Variants in STXBP5L observed in about 807,000 individuals in gnomAD.
STXBP5L encodes the protein syntaxin-binding protein 5-like.
In STXBP5L, 65 loss-of-function variants were observed where a neutral mutation model predicts 144.5. The observed-to-expected ratio is 0.45, with a 90% CI of 0.37 to 0.55. The LOEUF (loss-of-function observed/expected upper bound fraction) is 0.55. Among genes scored for constraint, STXBP5L ranks in the 20% least tolerant of loss-of-function variants. The pLI is 0.00. For synonymous variants in STXBP5L, 505 were observed against 469.6 expected (o/e 1.08, Z -0.97); for missense variants, 1,298 against 1,405.5 (o/e 0.92, Z 1.22).
chr3:121,327,823 G>T (rs61796934), intron 20 of STXBP5L, among the ~76,000 whole-genome samples: 72 of 152,112 alleles, frequency 4.7e-4, no homozygotes, highest in East Asian at 2.3e-3. Flanking sequence ...TAACAAGTCC[G>T]TGGGCATAAG....
At chr3:121,300,135 TC>T (rs2051830629) in intron 19 of STXBP5L, among the ~76,000 whole-genome samples, 1 of 152,042 alleles carries the variant, frequency 6.6e-6, no homozygotes. Context: ...ATTTTTTCCA[TC>T]AGAAATAATT....
intron 20 of STXBP5L, among the ~76,000 whole-genome samples, chr3:121,369,988 C>T (rs2045982552): frequency 6.6e-6 from 1 of 152,148 alleles, no homozygotes; most frequent in Non-Finnish European, 1.5e-5. Flanking sequence ...GGAGGAGGGG[C>T]CTGATCGGCA....
At chr3:121,374,076 A>G (rs1297878626) in intron 20 of STXBP5L, among the ~76,000 whole-genome samples, 1 of 152,118 alleles carries the variant, frequency 6.6e-6, no homozygotes, top group Non-Finnish European at 1.5e-5. Context: ...TGATGCTCAC[A>G]TACCCCACCA....
At chr3:121,110,950 T>C (rs910380435) in intron 5 of STXBP5L, among the ~76,000 whole-genome samples, 5 of 152,138 alleles carry the variant, frequency 3.3e-5, no homozygotes, top group Middle Eastern at 3.2e-3. Context: ...TTCTTTTTTT[T>C]CCTAATCTTA....
chr3:121,211,140 C>G (rs1388223409), intron 10 of STXBP5L, among the ~76,000 whole-genome samples: 1 of 152,118 alleles, frequency 6.6e-6, no homozygotes, highest in Non-Finnish European at 1.5e-5. Context: ...TTGAAGAGGT[C>G]CTTGACATCC....
chr3:121,417,743 G>A (rs1428516399), intron 25 of STXBP5L, among the ~76,000 whole-genome samples: 2 of 152,210 alleles, frequency 1.3e-5, no homozygotes, highest in Middle Eastern at 3.2e-3. Context: ...GGGATTACAG[G>A]CGTGAGCCAC....
intron 20 of STXBP5L, among the ~76,000 whole-genome samples, chr3:121,345,072 C>T (rs1195575634): frequency 6.6e-6 from 1 of 151,792 alleles, no homozygotes; most frequent in Non-Finnish European, 1.5e-5. Context: ...AGGTTTGATA[C>T]ATAGGTATAC....
intron 6 of STXBP5L, among the ~76,000 whole-genome samples, chr3:121,117,705 A>G (rs1198076629): frequency 6.6e-6 from 1 of 151,824 alleles, no homozygotes; most frequent in Non-Finnish European, 1.5e-5. Flanking sequence ...TTATTGAAAT[A>G]CTTTTCATTT....
intron 3 of STXBP5L, among the ~76,000 whole-genome samples, chr3:120,962,421 A>G (rs1389652344): frequency 6.6e-6 from 1 of 152,204 alleles, no homozygotes; most frequent in Admixed American, 6.5e-5. Context: ...TCTCACATGT[A>G]ATTCTTTAAT....
intron 18 of STXBP5L, among the ~76,000 whole-genome samples, chr3:121,260,919 T>G (rs2050363145): frequency 6.6e-6 from 1 of 152,136 alleles, no homozygotes; most frequent in South Asian, 2.1e-4. Flanking sequence ...ATGGGAAAGC[T>G]GGCAACCACA....
intron 18 of STXBP5L, among the ~76,000 whole-genome samples, chr3:121,267,713 A>G (rs1402656329): frequency 6.6e-6 from 1 of 152,224 alleles, no homozygotes; most frequent in Non-Finnish European, 1.5e-5. Flanking sequence ...CAAATTTACA[A>G]GAAAAAAACA....
At chr3:121,012,704 AG>A (rs1047912070) in intron 3 of STXBP5L, among the ~76,000 whole-genome samples, 18 of 151,684 alleles carry the variant, frequency 1.2e-4, no homozygotes, top group African/African-American at 4.1e-4. Context: ...TCTTAGATTT[AG>A]GGGATACATG....
chr3:121,041,616 T>A, intron 3 of STXBP5L, 84 bp from the exon 4 acceptor site: 1 of 1,010,260 alleles, frequency 9.9e-7, no homozygotes, highest in Non-Finnish European at 1.5e-6. Context: ...TAGCAAAACA[T>A]CTGTTGATCA....
At chr3:121,413,021 CTG>C (rs1322518383) in intron 23 of STXBP5L, 135 bp from the exon 24 acceptor site, 1 of 722,816 alleles carries the variant, frequency 1.4e-6, no homozygotes, top group Non-Finnish European at 2.0e-6. Flanking sequence ...GAGCAAGACT[CTG>C]TCTCAAAAAA....
intron 20 of STXBP5L, among the ~76,000 whole-genome samples, chr3:121,329,834 T>A (rs2044267185): frequency 6.6e-6 from 1 of 152,148 alleles, no homozygotes; most frequent in Non-Finnish European, 1.5e-5. Flanking sequence ...CACTCCAGCC[T>A]GGGTGACACA....
chr3:121,193,773 T>G (rs1034664159), intron 9 of STXBP5L, among the ~76,000 whole-genome samples: 9 of 151,810 alleles, frequency 5.9e-5, no homozygotes, highest in African/African-American at 1.9e-4. Flanking sequence ...AATTGAACAA[T>G]GAGAACACTT....
At chr3:121,396,850 C>G (rs2046742992) in intron 22 of STXBP5L, among the ~76,000 whole-genome samples, 2 of 152,306 alleles carry the variant, frequency 1.3e-5, no homozygotes, top group Admixed American at 1.3e-4. Context: ...AGGGTGCATT[C>G]TACTTCTAAC....
intron 7 of STXBP5L, among the ~76,000 whole-genome samples, chr3:121,131,229 T>A (rs1472948795): frequency 1.3e-5 from 2 of 152,118 alleles, no homozygotes; most frequent in Admixed American, 6.6e-5. Context: ...AGGACATTTT[T>A]AAACTTTTGA....
intron 20 of STXBP5L, among the ~76,000 whole-genome samples, chr3:121,326,056 A>G (rs1255520904): frequency 6.6e-6 from 1 of 151,970 alleles, no homozygotes; most frequent in Non-Finnish European, 1.5e-5. Context: ...TATAACTCAA[A>G]ATAGACATTA....
Sources: gnomAD v4.1 joint callset for allele counts (sites outside exome capture counted in the v4.1 genomes callset) on GRCh38, gnomAD v4.1.1 for gene constraint, MANE v1.5 for transcripts, NCBI Gene and HGNC (gene_info 2026-07-23, HGNC 2026-07-21) for gene names.